Variants in SALL2 observed in about 807,000 individuals in gnomAD.
SALL2 encodes spalt like transcription factor 2.
In SALL2, 32 loss-of-function variants were observed where a neutral mutation model predicts 58.5. The ratio of observed to expected loss-of-function variants is 0.55; its 90% CI spans 0.41 to 0.74. SALL2 has a LOEUF of 0.74. Among genes scored for constraint, SALL2 ranks in the 30% least tolerant of loss-of-function variants. The pLI, the probability that SALL2 is intolerant of heterozygous loss-of-function variation, is 0.00. For synonymous variants in SALL2, 516 were observed against 513.6 expected (o/e 1.00, Z -0.06); for missense variants, 1,201 against 1,268.9 (o/e 0.95, Z 0.81).
intron 1 of SALL2, among the ~76,000 whole-genome samples, chr14:21,531,657 C>T (rs1892463442): frequency 6.6e-6 from 1 of 151,432 alleles, no homozygotes; most frequent in African/African-American, 2.4e-5. Context: ...ATCTGCCCAC[C>T]TCGGCCTCCC....
At chr14:21,533,593 GAGA>G (rs1400778540) in intron 1 of SALL2, among the ~76,000 whole-genome samples, 13 of 110,390 alleles carry the variant, frequency 1.2e-4, no homozygotes, top group Non-Finnish European at 2.3e-4. Flanking sequence ...GTAGGGGAGA[GAGA>G]AGGTTTTTTT....
chr14:21,534,166 T>G (rs900300604), intron 1 of SALL2, among the ~76,000 whole-genome samples: 3 of 152,116 alleles, frequency 2.0e-5, no homozygotes, highest in African/African-American at 7.2e-5. Context: ...AATGTGAAAT[T>G]TATATATTAT....
At position 21,522,567 on chromosome 14, in the gene SALL2, C is replaced by G. The variant is rs2139664163; in HGVS notation, c.*137G>C. ...CAGTAATTTCCAAGCTCAGGGACTA[C>G]AGAAAAGCCACTAGGGACATAACAT... On this transcript the variant is annotated 3_prime_UTR_variant, in exon 2 of 2. Coordinates refer to ENST00000537235, the MANE Select transcript of SALL2 (RefSeq NM_001364564.1). 1 of 1,403,878 alleles carries G rather than the reference C, an allele frequency of 7.1e-7. No individual in the cohort carries two copies. Among genetic ancestry groups the G allele is most frequent in the Non-Finnish European group, 9.2e-7 (1 of 1,081,760 alleles). 87.0% of individuals were successfully genotyped at this position (1,403,878 alleles called of 1,614,324 possible).
rs758697273 is a variant in SALL2 at position 21,525,663 on chromosome 14, A to G, written c.68-9T>C. 1 of 1,559,760 alleles carries G rather than the reference A, an allele frequency of 6.4e-7. No individual in the cohort carries two copies. Among genetic ancestry groups the G allele is most frequent in the Admixed American group, 1.8e-5 (1 of 54,966 alleles). Reference sequence around the variant, plus strand: ...CTCCTCGCTAGCATCACCTGGGGAGAAGACAAGGAGAGAGAGCGTGGGTGG... The same window carrying G: ...CTCCTCGCTAGCATCACCTGGGGAGGAGACAAGGAGAGAGAGCGTGGGTGG... On this transcript the variant is annotated splice_polypyrimidine_tract_variant and intron_variant, in intron 1 of 1. Transcript: ENST00000537235. The surrounding 1 kb of genome is among the most constrained non-coding windows in gnomAD (Gnocchi z 4.4).
In SALL2 at chr14:21,525,637, C is replaced by T. The variant is rs1184050622; in HGVS notation, c.85G>A (p.Asp29Asn). 3 of 1,579,176 alleles carry T rather than the reference C, an allele frequency of 1.9e-6. No homozygotes were observed. The highest frequency in any genetic ancestry group is 1.7e-6 in the Non-Finnish European group (2 of 1,159,886). ...AELGGDASEE[D>N]HPQVCAKCCA... is the part of the protein sequence containing the mutation. ...CACTTGGCACAGACTTGGGGGTGAT[C>T]CTCCTCGCTAGCATCACCTGGGGAG... The change falls in exon 2 of 2, where the codon GAT becomes AAT. Residue 29 changes from aspartate to asparagine, a missense_variant. Coordinates refer to ENST00000537235, the MANE Select transcript of SALL2 (RefSeq NM_001364564.1). The surrounding 1 kb of genome is among the most constrained non-coding windows in gnomAD (Gnocchi z 4.4).
chr14:21,522,234 A>C lies in SALL2; in HGVS notation c.*470T>G. On this transcript the variant is annotated 3_prime_UTR_variant, in exon 2 of 2. Transcript: ENST00000537235. ...GGGCAGGCCATTTGACAGGAATGCC[A>C]CATACTGGTTCTAGAAAGATAGGGG... 1 of 1,593,880 alleles carries C rather than the reference A, an allele frequency of 6.3e-7. No homozygotes were observed. The highest frequency in any genetic ancestry group is 8.5e-7 in the Non-Finnish European group (1 of 1,177,910).
At chr14:21,534,351 T>C (rs995556545) in intron 1 of SALL2, among the ~76,000 whole-genome samples, 7 of 152,172 alleles carry the variant, frequency 4.6e-5, no homozygotes, top group African/African-American at 1.7e-4. Context: ...AGGGTGCTAC[T>C]GCTTCCTTGC....
In SALL2 at chr14:21,522,413, G is replaced by T; in HGVS notation, c.*291C>A. On this transcript the variant is annotated 3_prime_UTR_variant, in exon 2 of 2. Coordinates refer to ENST00000537235, the MANE Select transcript of SALL2 (RefSeq NM_001364564.1). ...GGGAAAGGGAGAGGAGAGAGGAGGG[G>T]GAAGAAGGGTCACACCAGGGAAGCT... 1 of 1,411,568 alleles carries T rather than the reference G, an allele frequency of 7.1e-7. No homozygotes were observed. 87.4% of individuals were successfully genotyped at this position (1,411,568 alleles called of 1,614,324 possible). A position where few individuals can be genotyped will look rare whatever the true frequency, so the allele number is the denominator to read the frequency against.
chr14:21,523,413 T>G lies in SALL2; in HGVS notation c.2309A>C (p.Glu770Ala). Residue 770 changes from glutamate to alanine, a missense_variant, in exon 2 of 2, where the codon GAA (glutamate) becomes GCA (alanine). Glu to Ala is a moderately radical substitution (Grantham distance 107). Transcript: ENST00000537235. This position sits in a 1 kb window ranked among gnomAD's most constrained non-coding sequence, Gnocchi z 4.4. ...TTCATCAGTCACATCTTCCTCTTCT[T>G]CCTCATCCTCCTCTTCCTCCTCCTC... The part of the protein sequence containing the change: ...LSEEEEEEDE[E>A]EEEDVTDEDS... 6.2e-7 allele frequency: 1 copy of G among 1,613,886 alleles called. No individual in the cohort carries two copies. The highest frequency in any genetic ancestry group is 8.5e-7 in the Non-Finnish European group (1 of 1,180,018).
At chr14:21,528,836 C>T (rs1281101919), upstream of SALL2, among the ~76,000 whole-genome samples, 1 of 152,062 alleles carries the variant, frequency 6.6e-6, no homozygotes, top group African/African-American at 2.4e-5. Flanking sequence ...TGCTCCCTGG[C>T]CTTAGTCAGG....
chr14:21,534,970 A>G (rs2139685453), intron 1 of SALL2, among the ~76,000 whole-genome samples: 1 of 152,284 alleles, frequency 6.6e-6, no homozygotes, highest in East Asian at 1.9e-4. Flanking sequence ...TTGTTTTTTA[A>G]CAGGTGGAAA....
At position 21,523,764 on chromosome 14, in the gene SALL2, C is replaced by T; in HGVS notation, c.1958G>A (p.Gly653Asp). 2 of 1,614,184 alleles carry T rather than the reference C, an allele frequency of 1.2e-6. No homozygotes were observed. The highest frequency in any genetic ancestry group is 1.7e-6 in the Non-Finnish European group (2 of 1,180,034). The change falls in exon 2 of 2, where the codon GGT becomes GAT. Residue 653 changes from glycine to aspartate, a missense_variant. Around this residue, in one of 3 missense-constraint regions of SALL2, gnomAD observed 675 missense variants for 683.8 expected, o/e 0.99. Coordinates refer to ENST00000537235, the MANE Select transcript of SALL2 (RefSeq NM_001364564.1). This position sits in a 1 kb window ranked among gnomAD's most constrained non-coding sequence, Gnocchi z 4.4. The part of the protein sequence containing the change: ...ALRLHYGQHG[G>D]ERPFKCKVCG... The stretch of plus-strand genomic sequence containing the variant: ...CACTTTGCATTTGAAGGGCCTCTCA[C>T]CTCCATGTTGGCCATAATGAAGGCG...
At chr14:21,534,819 G>A (rs1259968436) in intron 1 of SALL2, among the ~76,000 whole-genome samples, 2 of 152,080 alleles carry the variant, frequency 1.3e-5, no homozygotes, top group Non-Finnish European at 2.9e-5. Flanking sequence ...AGGAGGGAAG[G>A]ATGCCATCAC....
At position 21,523,235 on chromosome 14, in the gene SALL2, A is replaced by G; in HGVS notation, c.2487T>C (p.Thr829=). ...GTGGTGGCAAAGAAGACTGTTGAGT[A>G]GTTTTCTCATTACTGTCCATCTCCT... The part of the protein sequence containing the change: ...AGKEMDSNEK[T]TQQSSLPPPP... The change falls in exon 2 of 2, where the codon ACT becomes ACC. Residue 829 remains threonine, a synonymous_variant. Transcript: ENST00000537235. The surrounding 1 kb of genome is among the most constrained non-coding windows in gnomAD (Gnocchi z 4.4). 1 of 1,613,920 alleles carries G rather than the reference A, an allele frequency of 6.2e-7. No homozygotes were observed. Among genetic ancestry groups the G allele is most frequent in the African/African-American group, 1.3e-5 (1 of 74,990 alleles).
intron 1 of SALL2, among the ~76,000 whole-genome samples, chr14:21,533,288 T>C (rs964631551): frequency 2.0e-5 from 3 of 152,158 alleles, no homozygotes; most frequent in Admixed American, 2.0e-4. Flanking sequence ...ATACCTAGGT[T>C]GAGTGGCCCA....
Position 21,522,662 on chromosome 14 carries a change from C to T in SALL2, c.*42G>A. The T allele has an allele frequency of 6.6e-7, 1 of 1,506,266 alleles. No individual in the cohort carries two copies. The highest frequency in any genetic ancestry group is 8.9e-7 in the Non-Finnish European group (1 of 1,128,912). The allele number at this position is 1,506,266 out of a possible 1,614,324, so 93.3% of individuals were successfully genotyped here. On this transcript the variant is annotated 3_prime_UTR_variant, in exon 2 of 2. Transcript: ENST00000537235. ...GGGAGGTCCTTTTGTGAAGCTGTTT[C>T]TGCTCTGTGGGACAAAGAGCAGCAG...
At chr14:21,531,804 A>T (rs1384460676) in intron 1 of SALL2, among the ~76,000 whole-genome samples, 1 of 146,840 alleles carries the variant, frequency 6.8e-6, no homozygotes, top group African/African-American at 2.5e-5. Context: ...ATCTCGGCTC[A>T]CTGCAATCTC....
Position 21,523,214 on chromosome 14 carries a change from T to C in SALL2, c.2508A>G (p.Pro836=). The part of the protein sequence containing the change: ...NEKTTQQSSL[P]PPPPPDSLDQ... Reference sequence around the variant, plus strand: ...CCAGGCTGTCAGGTGGTGGTGGTGGTGGCAAAGAAGACTGTTGAGTAGTTT... The same window carrying C: ...CCAGGCTGTCAGGTGGTGGTGGTGGCGGCAAAGAAGACTGTTGAGTAGTTT... Residue 836 remains proline, a synonymous_variant, in exon 2 of 2, where the codon CCA becomes CCG. Transcript: ENST00000537235. The surrounding 1 kb of genome is among the most constrained non-coding windows in gnomAD (Gnocchi z 4.4). 1.2e-6 allele frequency: 2 copies of C among 1,614,074 alleles called. No individual in the cohort carries two copies. The highest frequency in any genetic ancestry group is 1.1e-5 in the South Asian group (1 of 91,076).
At position 21,523,455 on chromosome 14, in the gene SALL2, G is replaced by A. The variant is rs372214185; in HGVS notation, c.2267C>T (p.Pro756Leu). 3.2e-5 allele frequency: 51 copies of A among 1,614,036 alleles called. No individual in the cohort carries two copies. Among genetic ancestry groups the A allele is most frequent in the African/African-American group, 1.2e-4 (9 of 75,014 alleles). Residue 756 changes from proline (P) to leucine (L), a missense_variant, in exon 2 of 2, where the codon CCG becomes CTG. By Grantham distance (98) the Pro-to-Leu change is moderately conservative. Transcript: ENST00000537235. This position sits in a 1 kb window ranked among gnomAD's most constrained non-coding sequence, Gnocchi z 4.4. ...CTCCTCCTCAGACAACTCCTCTTCC[G>A]GTGATGGCTGCTGGGACTGCTGCTG... Reference protein sequence around the residue: ...FPQQQSQQPSPEEELSEEEEE... With the variant: ...FPQQQSQQPSLEEELSEEEEE...
Sources: allele counts gnomAD v4.1 joint callset (sites outside exome capture counted in the v4.1 genomes callset), GRCh38; gene constraint gnomAD v4.1.1; regional missense constraint gnomAD v4.1.1; non-coding constraint Gnocchi (gnomAD v3.1); transcripts MANE v1.5; gene names NCBI Gene and HGNC (gene_info 2026-07-23, HGNC 2026-07-21).